Variants in CPEB2 observed in about 807,000 individuals in gnomAD.
CPEB2 encodes the protein cytoplasmic polyadenylation element-binding protein 2.
Under a neutral mutation model 93.6 loss-of-function variants are expected in CPEB2, and 56 were observed. That is an observed-to-expected ratio of 0.60 (90% CI 0.48 to 0.75). CPEB2 has a LOEUF of 0.75. Among genes scored for constraint, CPEB2 ranks in the 30% least tolerant of loss-of-function variants. The pLI is 0.00. For synonymous variants in CPEB2, 764 were observed against 586.3 expected (o/e 1.30, Z -4.38); for missense variants, 1,579 against 1,395.1 (o/e 1.13, Z -2.10).
chr4:15,029,919 C>T (rs927567746), intron 4 of CPEB2, among the ~76,000 whole-genome samples: 1 of 152,114 alleles, frequency 6.6e-6, no homozygotes, highest in Non-Finnish European at 1.5e-5. Context: ...GCACGTACCA[C>T]TTTCACTTTA....
intron 9 of CPEB2, 51 bp downstream of exon 9, chr4:15,058,590 A>C: frequency 2.0e-6 from 2 of 1,025,086 alleles, no homozygotes; most frequent in Non-Finnish European, 3.0e-6. Flanking sequence ...TTTTTCAAAA[A>C]TTGTTTTGAA....
chr4:15,064,192 AT>A (rs993167447), intron 11 of CPEB2, among the ~76,000 whole-genome samples: 1 of 152,032 alleles, frequency 6.6e-6, no homozygotes, highest in Non-Finnish European at 1.5e-5. Context: ...AATTCATTAT[AT>A]TTTTTTGTAT....
chr4:15,034,892 G>C (rs1369601301), intron 5 of CPEB2, among the ~76,000 whole-genome samples: 1 of 152,058 alleles, frequency 6.6e-6, no homozygotes, highest in Non-Finnish European at 1.5e-5. Flanking sequence ...GTAAGGGGAT[G>C]TTTTTCTTGA....
intron 1 of CPEB2, among the ~76,000 whole-genome samples, 185 bp downstream of exon 1, chr4:15,004,520 C>T (rs1722515779): frequency 6.6e-6 from 1 of 152,086 alleles, no homozygotes; most frequent in Non-Finnish European, 1.5e-5. Context: ...CCCCAGCCCC[C>T]GGTGGGTTGG....
At chr4:15,019,114 A>T (rs1724531588) in intron 4 of CPEB2, among the ~76,000 whole-genome samples, 1 of 151,404 alleles carries the variant, frequency 6.6e-6, no homozygotes, top group Non-Finnish European at 1.5e-5. Flanking sequence ...CATTATGGTG[A>T]CAAGTCTTCA....
At position 15,067,788 on chromosome 4, in the gene CPEB2, T is replaced by A. The variant is rs1027802854; in HGVS notation, c.*1408T>A. The A allele has an allele frequency of 1.3e-5, 2 of 152,380 alleles. No homozygotes were observed. Among genetic ancestry groups the A allele is most frequent in the African/African-American group, 4.8e-5 (2 of 41,398 alleles). 9.4% of individuals were successfully genotyped at this position (152,380 alleles called of 1,614,324 possible). A position where few individuals can be genotyped will look rare whatever the true frequency, so the allele number is the denominator to read the frequency against. On this transcript the variant is annotated 3_prime_UTR_variant, in exon 12 of 12. Coordinates refer to ENST00000538197, the MANE Select transcript of CPEB2 (RefSeq NM_001177382.2). ...TGTGTTTAACCTATAAATATTGGGG[T>A]CTTCTGTCTAAACTGGGGTCACTGT... is the stretch of plus-strand genomic sequence containing the variant.
chr4:15,009,032 C>T (rs1463988877), intron 3 of CPEB2, among the ~76,000 whole-genome samples: 1 of 152,194 alleles, frequency 6.6e-6, no homozygotes, highest in African/African-American at 2.4e-5. Context: ...ATTACATTTA[C>T]ACCTTTGGTG....
chr4:15,015,046 C>T (rs1012996822), intron 3 of CPEB2, among the ~76,000 whole-genome samples: 2 of 151,952 alleles, frequency 1.3e-5, no homozygotes, highest in Non-Finnish European at 2.9e-5. Flanking sequence ...GAGTTAGAAC[C>T]AGAGCCTAGA....
Position 15,033,166 on chromosome 4 carries a change from T to G in CPEB2, c.2131T>G (p.Leu711Val). ...RAEHDPLKGR[L>V]SYPHPGTDNL... ...CCTTTCCTGTCTTTTTAAAGGTCGA[T>G]TGAGCTATCCACATCCAGGAACTGA... The change falls in exon 5 of 12, where the codon TTG (leucine) becomes GTG (valine). Residue 711 changes from leucine to valine, a missense_variant. This residue lies in a region of CPEB2 where 1,411 missense variants were observed against 1,056.0 expected (regional missense o/e 1.34). Coordinates refer to ENST00000538197, the MANE Select transcript of CPEB2 (RefSeq NM_001177382.2). 2 of 1,603,826 alleles carry G rather than the reference T, an allele frequency of 1.2e-6. No individual in the cohort carries two copies. Among genetic ancestry groups the G allele is most frequent in the Non-Finnish European group, 1.7e-6 (2 of 1,172,200 alleles).
chr4:15,037,444 T>C (rs1297004842), intron 5 of CPEB2, among the ~76,000 whole-genome samples: 2 of 152,226 alleles, frequency 1.3e-5, no homozygotes, highest in African/African-American at 2.4e-5. Flanking sequence ...TAATTTAATG[T>C]GTATGCCTAT....
chr4:15,059,119 AAAACAAAC>A, intron 9 of CPEB2, 60 bp from the exon 10 acceptor site: 1 of 939,822 alleles, frequency 1.1e-6, no homozygotes, highest in Non-Finnish European at 1.6e-6. Flanking sequence ...TTAACTGGCA[AAAACAAAC>A]AAACAGAAAA....
At position 15,002,937 on chromosome 4, in the gene CPEB2, G is replaced by T; in HGVS notation, c.264G>T (p.Ala88=). ...CTTCCTCTTCCTCCCCGTTCCTGGC[G>T]CATCAGCAGACCATGCAGGATGAGC... ...AAASSSSPFL[A]HQQTMQDELL... is the part of the protein sequence containing the mutation. Residue 88 remains alanine (A), a synonymous_variant, in exon 1 of 12, where the codon GCG becomes GCT. Transcript: ENST00000538197. 6.6e-7 allele frequency: 1 copy of T among 1,516,552 alleles called. No homozygotes were observed. The highest frequency in any genetic ancestry group is 8.8e-7 in the Non-Finnish European group (1 of 1,142,012). 93.9% of individuals were successfully genotyped at this position (1,516,552 alleles called of 1,614,324 possible).
At chr4:15,029,041 C>T (rs953190273) in intron 4 of CPEB2, among the ~76,000 whole-genome samples, 4 of 152,026 alleles carry the variant, frequency 2.6e-5, no homozygotes, top group East Asian at 1.9e-4. Flanking sequence ...ATCGGCAATG[C>T]TCAAGTCCCT....
At chr4:15,035,057 CT>C (rs1163621658) in intron 5 of CPEB2, among the ~76,000 whole-genome samples, 1 of 152,072 alleles carries the variant, frequency 6.6e-6, no homozygotes, top group Non-Finnish European at 1.5e-5. Context: ...CGTAGATCTA[CT>C]TTTTGAATTA....
rs141601239 is a variant in CPEB2 at position 15,007,396 on chromosome 4, A to C, written c.1754A>C (p.His585Pro). The change falls in exon 2 of 12, where the codon CAT (histidine) becomes CCT (proline). Residue 585 changes from histidine to proline, a missense_variant. Around this residue, in one of 2 missense-constraint regions of CPEB2, gnomAD observed 1,411 missense variants for 1,056.0 expected, o/e 1.34. Transcript: ENST00000538197. ...MSWGAMHGRDHRRTGNMGIPG... is the reference protein window; with the variant it reads ...MSWGAMHGRDPRRTGNMGIPG... The stretch of plus-strand genomic sequence containing the variant: ...TGGGGAGCAATGCATGGCAGAGATC[A>C]TCGTAGAACCGGAAACATGGGAATC... The C allele has an allele frequency of 2.1e-4, 343 of 1,613,952 alleles. No homozygotes were observed. In the African/African-American group the frequency reaches 4.0e-3, roughly 19 times the overall value.
intron 9 of CPEB2, 27 bp downstream of exon 9, chr4:15,058,566 G>A: frequency 7.9e-7 from 1 of 1,270,556 alleles, no homozygotes; most frequent in Non-Finnish European, 1.1e-6. Flanking sequence ...TGAACTTCAG[G>A]CTACAAATGC....
chr4:15,008,447 CT>C lies in CPEB2; in HGVS notation c.2034+25del. 1 of 1,557,330 alleles carries C rather than the reference CT, an allele frequency of 6.4e-7. No homozygotes were observed. ...GACCAGGTAGGCTGCACAGTGTATA[CT>C]TTTTAGGATTTCGGTTAGGAGTTTA... On this transcript the variant is annotated intron_variant, in intron 3 of 11. Transcript: ENST00000538197.
At chr4:15,045,988 T>C (rs1235313161) in intron 6 of CPEB2, among the ~76,000 whole-genome samples, 1 of 152,220 alleles carries the variant, frequency 6.6e-6, no homozygotes, top group Non-Finnish European at 1.5e-5. Context: ...TATGAATTTG[T>C]TTATCCATTT....
At chr4:15,017,483 A>G (rs1724307741) in intron 4 of CPEB2, 1 of 375,140 alleles carries the variant, frequency 2.7e-6, no homozygotes. Context: ...TTGACTTACA[A>G]TTTAAGGAAA....
Sources: gnomAD v4.1 joint callset for allele counts (sites outside exome capture counted in the v4.1 genomes callset) on GRCh38, gnomAD v4.1.1 for gene constraint, gnomAD v4.1.1 regional missense constraint, MANE v1.5 for transcripts, NCBI Gene and HGNC (gene_info 2026-07-23, HGNC 2026-07-21) for gene names.